CSMD1: variants seen among roughly 807,000 people sequenced by gnomAD.
The protein encoded by CSMD1 is CUB and Sushi multiple domains 1.
CSMD1 carries 213 observed loss-of-function variants against 417.5 expected under a neutral mutation model. The ratio of observed to expected loss-of-function variants is 0.51; its 90% CI spans 0.46 to 0.57. CSMD1 has a LOEUF of 0.57. Ranked by LOEUF, CSMD1 falls within the 20% of genes least tolerant of loss-of-function variation. CSMD1 has a pLI of 0.00. For missense variants in CSMD1, 6,923 were observed against 4,529.7 expected (o/e 1.53, Z -15.17); for synonymous variants, 2,862 against 1,736.8 (o/e 1.65, Z -16.11).
chr8:4,962,791 A>G, intron 1 of CSMD1, among the ~76,000 whole-genome samples: 1 of 152,156 alleles, frequency 6.6e-6, no homozygotes, highest in Non-Finnish European at 1.5e-5. Context: ...ACAAAAAATT[A>G]CACTCCTTAG....
chr8:3,555,046 C>T (rs909073476), intron 10 of CSMD1, among the ~76,000 whole-genome samples: 1 of 152,030 alleles, frequency 6.6e-6, no homozygotes, highest in Non-Finnish European at 1.5e-5. Flanking sequence ...GAGTCCTCCG[C>T]CAGGGAAGGC....
intron 1 of CSMD1, among the ~76,000 whole-genome samples, chr8:4,710,771 G>T (rs1197351055): frequency 6.6e-6 from 1 of 151,704 alleles, no homozygotes; most frequent in Non-Finnish European, 1.5e-5. Flanking sequence ...CTTGAACCCG[G>T]GAGGTGGAGG....
At chr8:3,713,029 T>TA (rs201903808) in intron 6 of CSMD1, among the ~76,000 whole-genome samples, 16 of 150,458 alleles carry the variant, frequency 1.1e-4, no homozygotes, top group Admixed American at 4.0e-4. Context: ...TATGTGAGGT[T>TA]AAAAAAAAAA....
At chr8:4,705,365 T>C (rs1386109806) in intron 1 of CSMD1, among the ~76,000 whole-genome samples, 2 of 152,194 alleles carry the variant, frequency 1.3e-5, no homozygotes, top group East Asian at 1.9e-4. Flanking sequence ...GAAACCATGA[T>C]GTAAGACAAC....
intron 5 of CSMD1, among the ~76,000 whole-genome samples, chr8:3,893,769 C>G (rs907398767): frequency 1.3e-5 from 2 of 152,034 alleles, no homozygotes; most frequent in Admixed American, 1.3e-4. Flanking sequence ...TTCAAGAAAG[C>G]TATCTTCAGT....
chr8:4,985,510 G>C (rs949429820), intron 1 of CSMD1, among the ~76,000 whole-genome samples: 1 of 152,120 alleles, frequency 6.6e-6, no homozygotes, highest in African/African-American at 2.4e-5. Context: ...CTTTTCAAGA[G>C]TCAAGTCTTC....
intron 5 of CSMD1, among the ~76,000 whole-genome samples, chr8:3,883,357 T>G (rs556027483): frequency 2.0e-5 from 3 of 152,154 alleles, no homozygotes; most frequent in Non-Finnish European, 4.4e-5. Flanking sequence ...TCAATTAACA[T>G]GAAGTTTTCC....
chr8:3,496,618 G>A (rs1317663105), intron 10 of CSMD1, among the ~76,000 whole-genome samples: 2 of 152,128 alleles, frequency 1.3e-5, no homozygotes, highest in African/African-American at 2.4e-5. Context: ...ATGAGGTCAG[G>A]AATTCGAGAC....
chr8:3,791,697 C>A, intron 5 of CSMD1, among the ~76,000 whole-genome samples: 1 of 152,076 alleles, frequency 6.6e-6, no homozygotes, highest in Non-Finnish European at 1.5e-5. Flanking sequence ...ATGGTGGGTA[C>A]CTGTAATCCC....
chr8:4,335,623 T>C (rs971924122), intron 3 of CSMD1, among the ~76,000 whole-genome samples: 8 of 152,168 alleles, frequency 5.3e-5, no homozygotes, highest in Non-Finnish European at 1.2e-4. Flanking sequence ...TTGATTCATG[T>C]ATTTATTCAA....
intron 10 of CSMD1, among the ~76,000 whole-genome samples, chr8:3,553,309 G>C (rs1007450103): frequency 5.3e-5 from 8 of 152,168 alleles, no homozygotes; most frequent in African/African-American, 1.9e-4. Flanking sequence ...GGAGACATGA[G>C]AGCCAATTTC....
intron 2 of CSMD1, among the ~76,000 whole-genome samples, chr8:4,469,666 C>G (rs896669149): frequency 7.9e-5 from 12 of 152,118 alleles, no homozygotes; most frequent in African/African-American, 2.9e-4. Flanking sequence ...CGTCTGGAAA[C>G]AGGCCCAGGG....
chr8:3,581,864 G>A (rs1359958956), intron 9 of CSMD1, among the ~76,000 whole-genome samples: 1 of 152,102 alleles, frequency 6.6e-6, no homozygotes, highest in Admixed American at 6.6e-5. Context: ...GAGTATAGTG[G>A]CACGATCTCT....
chr8:3,175,535 T>C (rs1563111779), intron 37 of CSMD1, among the ~76,000 whole-genome samples: 1 of 144,668 alleles, frequency 6.9e-6, no homozygotes, highest in Non-Finnish European at 1.5e-5. Flanking sequence ...CTTCCTTCCT[T>C]CTTCCCTCCC....
intron 3 of CSMD1, among the ~76,000 whole-genome samples, chr8:4,182,589 T>G (rs1263486915): frequency 2.0e-5 from 3 of 152,166 alleles, no homozygotes; most frequent in South Asian, 4.1e-4. Context: ...AATTTAGCAT[T>G]CTACTCTGAG....
At position 4,894,165 on chromosome 8, in the gene CSMD1, TTA is replaced by T. The variant is rs1447251425; in HGVS notation, c.85+100165_85+100166del. On this transcript the variant is annotated intron_variant, in intron 1 of 69. Coordinates refer to ENST00000635120, the MANE Select transcript of CSMD1 (RefSeq NM_033225.6). ...TCTCTATTTTAACAGTGAACAGTTT[TTA>T]TGTTATTAGCTCTTTCTATATGTCT... is the stretch of plus-strand genomic sequence containing the variant. Among the ~76,000 whole-genome samples, 4 of 152,126 alleles carry T rather than the reference TTA, an allele frequency of 2.6e-5. 1 individual carries two copies. Among genetic ancestry groups the T allele is most frequent in the African/African-American group, 7.3e-5 (3 of 41,376 alleles).
chr8:4,885,936 T>C (rs1803708133), intron 1 of CSMD1, among the ~76,000 whole-genome samples: 1 of 152,130 alleles, frequency 6.6e-6, no homozygotes, highest in South Asian at 2.1e-4. Flanking sequence ...TGTAAGGATT[T>C]TATCATTTTA....
intron 3 of CSMD1, among the ~76,000 whole-genome samples, chr8:4,369,940 C>A (rs1351917944): frequency 2.0e-5 from 3 of 152,098 alleles, no homozygotes; most frequent in African/African-American, 7.2e-5. Context: ...ACATTTAACC[C>A]ATTTACATTC....
intron 3 of CSMD1, among the ~76,000 whole-genome samples, chr8:4,150,264 C>T (rs1202952144): frequency 1.3e-5 from 2 of 152,144 alleles, no homozygotes; most frequent in African/African-American, 4.8e-5. Context: ...GCCTGCATTC[C>T]CTTTCCCCAG....
Sources: allele counts gnomAD v4.1 joint callset (sites outside exome capture counted in the v4.1 genomes callset), GRCh38; gene constraint gnomAD v4.1.1; transcripts MANE v1.5; gene names NCBI Gene and HGNC (gene_info 2026-07-23, HGNC 2026-07-21).